Variants in INTS7 observed in about 807,000 individuals in gnomAD.
INTS7 encodes the protein integrator complex subunit 7.
In INTS7, 46 loss-of-function variants were observed where a neutral mutation model predicts 109.2. The ratio of observed to expected loss-of-function variants is 0.42; its 90% CI spans 0.33 to 0.54. The LOEUF (loss-of-function observed/expected upper bound fraction) is 0.54, where lower values mean the gene tolerates loss of function less well. INTS7 is among the 20% of genes least tolerant of loss of function. INTS7 has a pLI of 0.07. For synonymous variants in INTS7, 412 were observed against 402.9 expected (o/e 1.02, Z -0.27); for missense variants, 929 against 1,132.4 (o/e 0.82, Z 2.58).
In INTS7 at chr1:212,025,705, AT is replaced by A. The variant is rs540883175; in HGVS notation, c.95-4494del. 816 of 162,604 alleles carry A rather than the reference AT, an allele frequency of 5.0e-3. 4 individuals carry two copies. Among genetic ancestry groups the A allele is most frequent in the African/African-American group, 0.018 (765 of 41,794 alleles). The allele number at this position is 162,604 out of a possible 1,614,324, so 10.1% of individuals were successfully genotyped here. A position where few individuals can be genotyped will look rare whatever the true frequency, so the allele number is the denominator to read the frequency against. On this transcript the variant is annotated intron_variant, in intron 1 of 19. Transcript: ENST00000366994. ...GCTGTACCAGGAAAAAAAAAAAAAAATTCACTAAGAATGAATACCTTGGTAA... is the reference window on the plus strand; with the variant it reads ...GCTGTACCAGGAAAAAAAAAAAAAAATCACTAAGAATGAATACCTTGGTAA...
chr1:211,963,945 C>G (rs1057024669), intron 16 of INTS7, among the ~76,000 whole-genome samples: 7 of 152,070 alleles, frequency 4.6e-5, no homozygotes, highest in African/African-American at 1.7e-4. Flanking sequence ...CAAAAGGATG[C>G]TCTCTCTCAC....
intron 1 of INTS7, among the ~76,000 whole-genome samples, chr1:212,022,357 TAAG>T (rs1416063699): frequency 9.9e-5 from 15 of 152,202 alleles, no homozygotes; most frequent in African/African-American, 3.4e-4. Context: ...AAGACACTGT[TAAG>T]AAGACGAAAA....
intron 4 of INTS7, among the ~76,000 whole-genome samples, chr1:212,012,421 A>G (rs2102476354): frequency 1.3e-5 from 2 of 152,320 alleles, no homozygotes; most frequent in African/African-American, 4.8e-5. Context: ...AAGCCAGGTC[A>G]TTATTTCCGG....
intron 11 of INTS7, among the ~76,000 whole-genome samples, chr1:211,977,423 T>C (rs1056730320): frequency 6.6e-6 from 1 of 152,182 alleles, no homozygotes; most frequent in Non-Finnish European, 1.5e-5. Flanking sequence ...AAAAATAAAC[T>C]TAGCTAACTG....
chr1:211,978,390 T>C lies in INTS7; in HGVS notation c.1352A>G (p.His451Arg), dbSNP rs1002428666. 8 of 1,614,178 alleles carry C rather than the reference T, an allele frequency of 5.0e-6. No individual in the cohort carries two copies. The highest frequency in any genetic ancestry group is 6.8e-6 in the Non-Finnish European group (8 of 1,180,036). The change falls in exon 11 of 20, where the codon CAT (histidine) becomes CGT (arginine). Residue 451 changes from histidine to arginine, a missense_variant. His to Arg is a conservative substitution (Grantham distance 29). This residue lies in a region of INTS7 where 787 missense variants were observed against 901.1 expected (regional missense o/e 0.87). Transcript: ENST00000366994. ...AQDAARILMC[H>R]CLAAIAMQLP... is the part of the protein sequence containing the mutation. The stretch of plus-strand genomic sequence containing the variant: ...TTGCATGGCAATGGCTGCCAGGCAA[T>C]GGCACATCAAAATCCGGGCAGCGTC...
At chr1:211,951,707 A>G (rs1011759186) in intron 17 of INTS7, among the ~76,000 whole-genome samples, 3 of 152,226 alleles carry the variant, frequency 2.0e-5, no homozygotes, top group African/African-American at 7.2e-5. Flanking sequence ...AGGGCCAGGA[A>G]GAAAGTCCTC....
intron 17 of INTS7, among the ~76,000 whole-genome samples, chr1:211,947,882 T>C (rs1218981215): frequency 6.6e-6 from 1 of 152,222 alleles, no homozygotes; most frequent in Non-Finnish European, 1.5e-5. Flanking sequence ...GCTAGCCAGG[T>C]AAACTACTCT....
intron 8 of INTS7, among the ~76,000 whole-genome samples, chr1:211,986,388 C>A (rs1664895320): frequency 6.6e-6 from 1 of 152,110 alleles, no homozygotes; most frequent in African/African-American, 2.4e-5. Context: ...TTAAGCTACT[C>A]GGTTTGGGGT....
Position 212,015,416 on chromosome 1 carries a change from C to T in INTS7, c.509+1470G>A, listed in dbSNP as rs376973797. 3.3e-5 allele frequency among the ~76,000 whole-genome samples: 5 copies of T among 152,170 alleles called. No individual in the cohort carries two copies. The East Asian group carries it at 7.7e-4, about 24-fold the overall frequency. On this transcript the variant is annotated intron_variant, in intron 4 of 19. Coordinates refer to ENST00000366994, the MANE Select transcript of INTS7 (RefSeq NM_015434.4). ...TAATCTATAACCTTACCCCCAACCC[C>T]CTGCTCTCTGAAACATGTGCTATGT...
chr1:211,945,221 C>A (rs1662799875), intron 18 of INTS7, among the ~76,000 whole-genome samples: 1 of 152,140 alleles, frequency 6.6e-6, no homozygotes, highest in Non-Finnish European at 1.5e-5. Flanking sequence ...AAAGCAAAGG[C>A]ACTATTCTCC....
intron 1 of INTS7, among the ~76,000 whole-genome samples, chr1:212,027,704 G>C (rs911290837): frequency 6.6e-6 from 1 of 152,218 alleles, no homozygotes; most frequent in African/African-American, 2.4e-5. Context: ...GCTTGGTTCT[G>C]CATCAGCAAT....
intron 17 of INTS7, among the ~76,000 whole-genome samples, chr1:211,951,812 C>T (rs7544941): frequency 0.028 from 4,321 of 152,240 alleles, 189 homozygotes; most frequent in African/African-American, 0.094. Context: ...ACCAAGCCTA[C>T]GGCATTTTGT....
intron 16 of INTS7, among the ~76,000 whole-genome samples, chr1:211,954,620 A>G (rs1312830762): frequency 6.6e-5 from 10 of 152,114 alleles, no homozygotes; most frequent in East Asian, 3.9e-4. Flanking sequence ...CATATGGCTA[A>G]CCAGTTTTCC....
intron 5 of INTS7, among the ~76,000 whole-genome samples, chr1:212,010,304 G>A (rs114278456): frequency 0.014 from 2,117 of 152,252 alleles, 30 homozygotes; most frequent in African/African-American, 0.038. Context: ...GGTATGACAC[G>A]TGTATTAACC....
At chr1:212,032,882 C>T (rs903031832) in intron 1 of INTS7, among the ~76,000 whole-genome samples, 1 of 152,214 alleles carries the variant, frequency 6.6e-6, no homozygotes, top group Non-Finnish European at 1.5e-5. Context: ...TGTTCTTCCA[C>T]TTGATTGAGG....
chr1:212,014,564 C>T (rs1275466021), intron 4 of INTS7, among the ~76,000 whole-genome samples: 3 of 151,560 alleles, frequency 2.0e-5, no homozygotes, highest in African/African-American at 7.3e-5. Flanking sequence ...CCTCCCCCTC[C>T]CCCTCTCCCC....
At chr1:211,960,254 C>T (rs1663555474) in intron 16 of INTS7, among the ~76,000 whole-genome samples, 3 of 151,894 alleles carry the variant, frequency 2.0e-5, no homozygotes, top group Non-Finnish European at 4.4e-5. Context: ...CCACCTTATA[C>T]CACAATCAAA....
chr1:212,017,187 A>G (rs560375938), intron 3 of INTS7, among the ~76,000 whole-genome samples, 164 bp from the exon 4 acceptor site: 24 of 152,360 alleles, frequency 1.6e-4, no homozygotes, highest in Non-Finnish European at 2.9e-4. Flanking sequence ...CTCAAATTTT[A>G]AACGCTTTTA....
chr1:212,033,305 A>G (rs1050695339), intron 1 of INTS7, among the ~76,000 whole-genome samples: 1 of 152,218 alleles, frequency 6.6e-6, no homozygotes. Flanking sequence ...ACTATATTCT[A>G]CACGAAACTG....
Sources: gnomAD v4.1 joint callset for allele counts (sites outside exome capture counted in the v4.1 genomes callset) on GRCh38, gnomAD v4.1.1 for gene constraint, gnomAD v4.1.1 regional missense constraint, MANE v1.5 for transcripts, NCBI Gene and HGNC (gene_info 2026-07-23, HGNC 2026-07-21) for gene names.